The following RNF17 variants were observed in gnomAD, a reference collection of about 807,000 sequenced individuals.
The protein encoded by RNF17 is ring finger protein 17, also known as spermatogenesis associated 23.
A neutral mutation model predicts 200.5 loss-of-function variants in RNF17; 31 were observed. The observed-to-expected ratio is 0.15, with a 90% confidence interval of 0.12 to 0.21. RNF17 has a LOEUF of 0.21. Ranked by LOEUF, RNF17 falls within the 10% of genes least tolerant of loss-of-function variation. The pLI, the probability that RNF17 is intolerant of heterozygous loss-of-function variation, is 1.00. For missense variants in RNF17, 1,628 were observed against 1,905.1 expected, an observed-to-expected ratio of 0.85 and a Z score of 2.71; for synonymous variants, 606 against 637.8, an observed-to-expected ratio of 0.95 and a Z score of 0.75.
chr13:24,842,854 G>A (rs3759460), intron 19 of RNF17, among the ~76,000 whole-genome samples: 29,900 of 151,834 alleles, frequency 0.2, 3,211 homozygotes, highest in South Asian at 0.32. Context: ...GCGTGGTGGC[G>A]TGCGTGCCTA....
At chr13:24,886,029 T>TA in the RNF17 span, 3,603 of 373,200 alleles carry the variant, frequency 9.7e-3, 121 homozygotes, top group African/African-American at 0.07. Context: ...GGTATTTAGT[T>TA]AAAACATAAA....
At position 24,799,321 on chromosome 13, in the gene RNF17, T is replaced by C. The variant is rs980827209; in HGVS notation, c.1400-74T>C. 5 of 1,134,372 alleles carry C rather than the reference T, an allele frequency of 4.4e-6. No homozygotes were observed. In the African/African-American group the frequency reaches 7.8e-5, roughly 18 times the overall value. The allele number at this position is 1,134,372 out of a possible 1,614,324, so 70.3% of individuals were successfully genotyped here. On this transcript the variant is annotated intron_variant, in intron 11 of 35. Coordinates refer to ENST00000255324, the MANE Select transcript of RNF17 (RefSeq NM_031277.3). Reference sequence around the variant, plus strand: ...AATTAAGACTTTTTCGTGGTAGAACTAACGTGTCTGTAAACTTATGAAGTG... The same window carrying C: ...AATTAAGACTTTTTCGTGGTAGAACCAACGTGTCTGTAAACTTATGAAGTG...
At chr13:24,886,211 T>C in the RNF17 span, 2 of 784,140 alleles carry the variant, frequency 2.6e-6, no homozygotes, top group Admixed American at 4.7e-5. Flanking sequence ...TATGTGCCAA[T>C]GGATCATATT....
chr13:24,847,355 T>TA (rs1566217668), intron 22 of RNF17, among the ~76,000 whole-genome samples: 3 of 143,484 alleles, frequency 2.1e-5, no homozygotes, highest in African/African-American at 7.7e-5. Context: ...ATTTATTTTT[T>TA]TTTTTTTTGA....
intron 2 of RNF17, among the ~76,000 whole-genome samples, chr13:24,769,597 A>G (rs949305131): frequency 6.6e-6 from 1 of 152,248 alleles, no homozygotes; most frequent in African/African-American, 2.4e-5. Flanking sequence ...AATAAGATAT[A>G]CAGAGAATGG....
At chr13:24,771,830 C>T (rs1880764189) in intron 2 of RNF17, among the ~76,000 whole-genome samples, 1 of 151,932 alleles carries the variant, frequency 6.6e-6, no homozygotes, top group Non-Finnish European at 1.5e-5. Context: ...CATGGAGAAA[C>T]CCAATCTCTA....
intron 25 of RNF17, among the ~76,000 whole-genome samples, chr13:24,858,174 T>C (rs533600734): frequency 6.6e-6 from 1 of 152,300 alleles, no homozygotes; most frequent in African/African-American, 2.4e-5. Context: ...AATTTTTCTC[T>C]CATTTGTTGA....
intron 22 of RNF17, among the ~76,000 whole-genome samples, chr13:24,847,017 G>A (rs1044539660): frequency 3.2e-5 from 4 of 123,792 alleles, no homozygotes; most frequent in African/African-American, 8.5e-5. Context: ...TAATGAACCT[G>A]TGTGTGATTT....
At chr13:24,841,345 A>T (rs1890623009) in intron 18 of RNF17, among the ~76,000 whole-genome samples, 1 of 152,218 alleles carries the variant, frequency 6.6e-6, no homozygotes, top group African/African-American at 2.4e-5. Flanking sequence ...ACCTTTGCAG[A>T]TGATCACTGG....
downstream of RNF17, chr13:24,883,955 T>TGCCATA (rs1566275815): frequency 6.2e-7 from 1 of 1,614,128 alleles, no homozygotes; most frequent in African/African-American, 1.3e-5. Flanking sequence ...AACATAATGT[T>TGCCATA]GCCATACCGT....
chr13:24,884,370 T>A, downstream of RNF17: 1 of 1,614,160 alleles, frequency 6.2e-7, no homozygotes, highest in Non-Finnish European at 8.5e-7. Flanking sequence ...TTAAAGAAAG[T>A]GACAGTGATG....
chr13:24,747,790 C>T, the RNF17 span, among the ~76,000 whole-genome samples: 1 of 152,258 alleles, frequency 6.6e-6, no homozygotes, highest in Non-Finnish European at 1.5e-5. Context: ...GGCCGCCCAA[C>T]GCAGCATTTC....
upstream of RNF17, among the ~76,000 whole-genome samples, chr13:24,759,866 C>T (rs1053480971): frequency 4.6e-5 from 7 of 152,208 alleles, no homozygotes; most frequent in Non-Finnish European, 8.8e-5. Context: ...CGCAGCCAGG[C>T]ACGGTGGCTC....
At position 24,840,520 on chromosome 13, in the gene RNF17, C is replaced by CAT. The variant is rs71745727; in HGVS notation, c.2483-1512_2483-1511dup. ...GTGGATAAAGAAACTGTGATTTATA[C>CAT]ATATATATATGTGTGTGTGTGTGAA... On this transcript the variant is annotated intron_variant, in intron 18 of 35. Transcript: ENST00000255324. 3.5e-3 allele frequency among the ~76,000 whole-genome samples: 517 copies of CAT among 148,270 alleles called. 5 individuals are homozygous for CAT. Among genetic ancestry groups the CAT allele is most frequent in the Non-Finnish European group, 3.9e-3 (261 of 66,504 alleles).
At chr13:24,787,761 A>G (rs1451567) in intron 6 of RNF17, among the ~76,000 whole-genome samples, 35,112 of 152,100 alleles carry the variant, frequency 0.23, 4,540 homozygotes, top group Non-Finnish European at 0.29. Flanking sequence ...GCTTTTAACT[A>G]TAATACATTT....
chr13:24,884,391 C>T (rs375852676), downstream of RNF17: 16 of 1,613,964 alleles, frequency 9.9e-6, no homozygotes, highest in East Asian at 1.1e-4. Flanking sequence ...GTCTTCCCAT[C>T]TGCACTCACT....
At chr13:24,839,205 G>A (rs1215537674) in intron 18 of RNF17, among the ~76,000 whole-genome samples, 3 of 152,016 alleles carry the variant, frequency 2.0e-5, no homozygotes, top group Non-Finnish European at 4.4e-5. Flanking sequence ...TCCCATGGAT[G>A]TGTAGAATCA....
In RNF17 at chr13:24,854,275, A is replaced by G. The variant is rs374084424; in HGVS notation, c.3610+131A>G. On this transcript the variant is annotated intron_variant, in intron 25 of 35. Coordinates refer to ENST00000255324, the MANE Select transcript of RNF17 (RefSeq NM_031277.3). Reference sequence around the variant, plus strand: ...AGGATTAAATGATTTCACACAATGCATGCAAAGTGCTTTTAATAATGCCTA... The same window carrying G: ...AGGATTAAATGATTTCACACAATGCGTGCAAAGTGCTTTTAATAATGCCTA... The G allele has an allele frequency of 6.7e-5, 43 of 642,082 alleles. No individual in the cohort carries two copies. The East Asian group carries it at 1.0e-3, about 15-fold the overall frequency. 39.8% of individuals were successfully genotyped at this position (642,082 alleles called of 1,614,324 possible).
At position 24,764,237 on chromosome 13, in the gene RNF17, A is replaced by G. The variant is rs747535813; in HGVS notation, c.34A>G (p.Arg12Gly). Residue 12 changes from arginine to glycine, a missense_variant, in exon 1 of 36, where the codon AGG becomes GGG. By Grantham distance (125) the Arg-to-Gly change is moderately radical. Transcript: ENST00000255324. ...AAEASKTGPSRSSYQRMGRKS... is the reference protein window; with the variant it reads ...AAEASKTGPSGSSYQRMGRKS... ...AGAGGCTTCGAAGACTGGGCCTTCT[A>G]GGTCTTCCTACCAGCGAATGGGGAG... The G allele has an allele frequency of 1.9e-6, 3 of 1,607,452 alleles. No homozygotes were observed. Among genetic ancestry groups the G allele is most frequent in the South Asian group, 2.2e-5 (2 of 90,636 alleles).
Sources: allele counts gnomAD v4.1 joint callset (sites outside exome capture counted in the v4.1 genomes callset), GRCh38; gene constraint gnomAD v4.1.1; transcripts MANE v1.5; gene names NCBI Gene and HGNC (gene_info 2026-07-23, HGNC 2026-07-21).